The following ATP8A2 variants were observed in gnomAD, a reference collection of about 807,000 sequenced individuals.
The protein encoded by ATP8A2 is phospholipid-transporting ATPase IB.
In ATP8A2, 100 loss-of-function variants were observed where a neutral mutation model predicts 165.6. The ratio of observed to expected loss-of-function variants is 0.60; its 90% CI spans 0.51 to 0.71. The LOEUF (loss-of-function observed/expected upper bound fraction) is 0.71, where lower values mean the gene tolerates loss of function less well. Among genes scored for constraint, ATP8A2 ranks in the 30% least tolerant of loss-of-function variants. The pLI, the probability that ATP8A2 is intolerant of heterozygous loss-of-function variation, is 0.00. For missense variants in ATP8A2, 1,227 were observed against 1,479.5 expected (o/e 0.83, Z 2.80); for synonymous variants, 543 against 548.8 (o/e 0.99, Z 0.15).
At chr13:26,016,210 T>C (rs1956968998) in intron 36 of ATP8A2, among the ~76,000 whole-genome samples, 1 of 152,240 alleles carries the variant, frequency 6.6e-6, no homozygotes, top group Non-Finnish European at 1.5e-5. Context: ...AGTCTTAGCG[T>C]ACAACACGCT....
intron 25 of ATP8A2, among the ~76,000 whole-genome samples, chr13:25,762,268 C>CAAA (rs59081934): frequency 0.12 from 4,890 of 41,096 alleles, 1,208 homozygotes; most frequent in Middle Eastern, 0.22. Context: ...GACTCTGTCT[C>CAAA]AAAAAAAAAA....
At chr13:25,612,887 T>C (rs1284164873) in intron 24 of ATP8A2, among the ~76,000 whole-genome samples, 2 of 152,204 alleles carry the variant, frequency 1.3e-5, no homozygotes, top group African/African-American at 4.8e-5. Context: ...CATTATATAA[T>C]GTTCCTCTTT....
chr13:25,874,836 G>A (rs183995406), intron 33 of ATP8A2, among the ~76,000 whole-genome samples: 1 of 152,220 alleles, frequency 6.6e-6, no homozygotes, highest in Admixed American at 6.5e-5. Flanking sequence ...GAAGATACAT[G>A]GATGAACAAA....
intron 36 of ATP8A2, among the ~76,000 whole-genome samples, chr13:26,019,131 G>C (rs9512031): frequency 0.019 from 2,907 of 152,024 alleles, 31 homozygotes; most frequent in South Asian, 0.025. Context: ...TGGTGGCTCA[G>C]GCCTGTAATC....
intron 1 of ATP8A2, among the ~76,000 whole-genome samples, chr13:25,445,483 C>G (rs867088036): frequency 5.3e-5 from 8 of 152,190 alleles, no homozygotes; most frequent in African/African-American, 1.7e-4. Context: ...TCAGGCACTA[C>G]AATATTCCCA....
At chr13:25,933,053 G>T (rs1329188306) in intron 33 of ATP8A2, among the ~76,000 whole-genome samples, 2 of 152,160 alleles carry the variant, frequency 1.3e-5, no homozygotes, top group Non-Finnish European at 2.9e-5. Context: ...TTGCCATGTT[G>T]GCCAGGCTGG....
chr13:25,543,269 CATT>C lies in ATP8A2; in HGVS notation c.780-21_780-19del. 1 of 1,421,376 alleles carries C rather than the reference CATT, an allele frequency of 7.0e-7. No homozygotes were observed. The highest frequency in any genetic ancestry group is 9.9e-7 in the Non-Finnish European group (1 of 1,010,540). The allele number at this position is 1,421,376 out of a possible 1,614,324, so 88.0% of individuals were successfully genotyped here. On this transcript the variant is annotated intron_variant, in intron 9 of 36. Transcript: ENST00000381655. ...TATTTTCCAGACTATCATTAAATAT[CATT>C]GTTGTTTTTTATTTTTAGCCTTGTT...
At chr13:25,478,960 G>A (rs1486064660) in intron 2 of ATP8A2, among the ~76,000 whole-genome samples, 1 of 151,964 alleles carries the variant, frequency 6.6e-6, no homozygotes, top group Non-Finnish European at 1.5e-5. Flanking sequence ...TGATTCCCCT[G>A]CCTCAGCCTC....
At chr13:25,956,010 C>A (rs985673530) in intron 33 of ATP8A2, among the ~76,000 whole-genome samples, 1 of 152,110 alleles carries the variant, frequency 6.6e-6, no homozygotes, top group Non-Finnish European at 1.5e-5. Context: ...ATAACTAGAA[C>A]CAATGACAAA....
chr13:25,797,967 A>C (rs951122733), intron 27 of ATP8A2, among the ~76,000 whole-genome samples: 3 of 152,232 alleles, frequency 2.0e-5, no homozygotes, highest in African/African-American at 7.2e-5. Flanking sequence ...TTTAAGAGAT[A>C]AGTGAATCTT....
intron 25 of ATP8A2, among the ~76,000 whole-genome samples, chr13:25,743,554 T>C (rs541628081): frequency 1.3e-5 from 2 of 152,256 alleles, no homozygotes; most frequent in African/African-American, 2.4e-5. Context: ...GTCACTAAAG[T>C]ATGGGAGCAG....
At chr13:25,962,059 C>T (rs1298772313) in intron 34 of ATP8A2, among the ~76,000 whole-genome samples, 1 of 152,096 alleles carries the variant, frequency 6.6e-6, no homozygotes, top group Admixed American at 6.6e-5. Context: ...AGAAAAAATA[C>T]AGACACAAAG....
chr13:25,752,026 A>G (rs1468397968), intron 25 of ATP8A2, among the ~76,000 whole-genome samples: 1 of 151,750 alleles, frequency 6.6e-6, no homozygotes, highest in Non-Finnish European at 1.5e-5. Flanking sequence ...CATGCCTATA[A>G]TCCCAGCACT....
chr13:25,640,385 G>T (rs868094147), intron 24 of ATP8A2, among the ~76,000 whole-genome samples: 37 of 150,864 alleles, frequency 2.5e-4, no homozygotes, highest in African/African-American at 7.3e-4. Context: ...AAAGAGAGAA[G>T]AATAAAATAG....
intron 33 of ATP8A2, among the ~76,000 whole-genome samples, chr13:25,899,226 G>T (rs1237465705): frequency 2.0e-5 from 3 of 152,210 alleles, no homozygotes; most frequent in Non-Finnish European, 4.4e-5. Flanking sequence ...TGCATGCATG[G>T]GTTTCTGTCT....
chr13:25,771,981 A>T (rs532629226), intron 26 of ATP8A2, among the ~76,000 whole-genome samples: 109 of 152,278 alleles, frequency 7.2e-4, no homozygotes, highest in African/African-American at 2.5e-3. Flanking sequence ...CCTCAGGGTT[A>T]TTATACTCAG....
chr13:25,729,952 T>A (rs1020942978), intron 25 of ATP8A2, among the ~76,000 whole-genome samples: 6 of 152,194 alleles, frequency 3.9e-5, no homozygotes, highest in Non-Finnish European at 7.4e-5. Flanking sequence ...GGGAATGTAG[T>A]ATACTGCACC....
At chr13:25,582,638 T>C (rs1428081956) in intron 23 of ATP8A2, among the ~76,000 whole-genome samples, 3 of 152,252 alleles carry the variant, frequency 2.0e-5, no homozygotes, top group Non-Finnish European at 1.5e-5. Context: ...AATAGCTTGC[T>C]AGAAGTAGAC....
chr13:25,444,130 AT>A (rs2035007808), intron 1 of ATP8A2, among the ~76,000 whole-genome samples: 1 of 151,984 alleles, frequency 6.6e-6, no homozygotes, highest in African/African-American at 2.4e-5. Flanking sequence ...CACTGTTCTG[AT>A]TTTTCTCATC....
Sources: allele counts gnomAD v4.1 joint callset (sites outside exome capture counted in the v4.1 genomes callset), GRCh38; gene constraint gnomAD v4.1.1; transcripts MANE v1.5; gene names NCBI Gene and HGNC (gene_info 2026-07-23, HGNC 2026-07-21).